CNTNAP1: variants seen among roughly 807,000 people sequenced by gnomAD.
The protein encoded by CNTNAP1 is contactin-associated protein 1.
A neutral mutation model predicts 161.5 loss-of-function variants in CNTNAP1; 80 were observed. That is an observed-to-expected ratio of 0.50 (90% CI 0.41 to 0.60). CNTNAP1 has a LOEUF of 0.60. Ranked by LOEUF, CNTNAP1 falls within the 20% of genes least tolerant of loss-of-function variation. The probability of loss-of-function intolerance (pLI) is 0.00; values close to 1 mark genes in which losing one functional copy is unlikely to be tolerated. For missense variants in CNTNAP1, 1,464 were observed against 1,854.8 expected, an observed-to-expected ratio of 0.79 and a Z score of 3.87; for synonymous variants, 695 against 733.1, an observed-to-expected ratio of 0.95 and a Z score of 0.84.
intron 18 of CNTNAP1, among the ~76,000 whole-genome samples, chr17:42,694,678 T>C (rs949147091): frequency 6.6e-6 from 1 of 151,270 alleles, no homozygotes; most frequent in Non-Finnish European, 1.5e-5. Context: ...ACCATCACCA[T>C]GGTAACACAG....
At chr17:42,690,523 CAAAAA>C (rs374434783) in intron 12 of CNTNAP1, among the ~76,000 whole-genome samples, 4 of 106,796 alleles carry the variant, frequency 3.7e-5, no homozygotes, top group African/African-American at 1.1e-4. Flanking sequence ...GACTTCATCT[CAAAAA>C]AAAAAAAAAA....
chr17:42,684,342 G>C, intron 3 of CNTNAP1, 113 bp downstream of exon 3: 4 of 978,418 alleles, frequency 4.1e-6, no homozygotes, highest in Non-Finnish European at 4.6e-6. Context: ...CTCGGACAAG[G>C]AGCAGTGACT....
rs1273964592 is a variant in CNTNAP1, at chr17:42,691,781, G to C, written c.2345-25G>C. On this transcript the variant is annotated intron_variant, in intron 15 of 23. Transcript: ENST00000264638. The surrounding 1 kb of genome is among the most constrained non-coding windows in gnomAD (Gnocchi z 4.3). ...CTCCACCCTCCAATCTCCCTGACAA[G>C]ACCTTCCTCCATCTGCTTTTCTAGG... The C allele has an allele frequency of 6.2e-7, 1 of 1,611,136 alleles. No homozygotes were observed.
At chr17:42,694,504 C>A (rs1009953242) in intron 18 of CNTNAP1, among the ~76,000 whole-genome samples, 30 of 151,998 alleles carry the variant, frequency 2.0e-4, no homozygotes, top group Non-Finnish European at 5.9e-5. Flanking sequence ...TGGTGGTGCA[C>A]ACTTAGGCCT....
At chr17:42,693,027 GC>G (rs1308863090) in intron 17 of CNTNAP1, among the ~76,000 whole-genome samples, 1 of 151,398 alleles carries the variant, frequency 6.6e-6, no homozygotes, top group Non-Finnish European at 1.5e-5. Context: ...CACGATCTCG[GC>G]CCACTGCAAG....
intron 6 of CNTNAP1, 98 bp from the exon 7 acceptor site, chr17:42,686,805 A>G (rs930135798): frequency 2.9e-6 from 4 of 1,386,964 alleles, no homozygotes; most frequent in Non-Finnish European, 3.9e-6. Flanking sequence ...CTTTTACAAA[A>G]CCCCATCTGG....
At chr17:42,693,259 C>T (rs1266887692) in intron 17 of CNTNAP1, 38 bp from the exon 18 acceptor site, 4 of 1,610,014 alleles carry the variant, frequency 2.5e-6, no homozygotes, top group Non-Finnish European at 3.4e-6. Flanking sequence ...GCGCCTGGCC[C>T]TGCCTCCATT....
rs1162499489 is a variant in CNTNAP1, at chr17:42,692,491, C to T, written c.2531-8C>T. 3.1e-6 allele frequency: 5 copies of T among 1,611,690 alleles called. No individual in the cohort carries two copies. The highest frequency in any genetic ancestry group is 3.4e-6 in the Non-Finnish European group (4 of 1,178,124). ...CTTTTCTCCCCTACCCTGCATCACACTGTCCAGCATCCCGGGATGTGGTCT... is the reference window on the plus strand; with the variant it reads ...CTTTTCTCCCCTACCCTGCATCACATTGTCCAGCATCCCGGGATGTGGTCT... On this transcript the variant is annotated splice_region_variant and splice_polypyrimidine_tract_variant and intron_variant, in intron 16 of 23. Transcript: ENST00000264638.
chr17:42,693,590 A>G, intron 18 of CNTNAP1, 54 bp downstream of exon 18: 2 of 1,585,550 alleles, frequency 1.3e-6, no homozygotes, highest in South Asian at 2.2e-5. Context: ...AATGGGATGT[A>G]GGGAGGGCAG....
rs753529173 is a variant in CNTNAP1 at position 42,691,361 on chromosome 17, G to A, written c.2217-23G>A. The A allele has an allele frequency of 2.5e-6, 4 of 1,614,062 alleles. No homozygotes were observed. Among genetic ancestry groups the A allele is most frequent in the Non-Finnish European group, 3.4e-6 (4 of 1,179,970 alleles). ...GGAGGAGCTGAGTGGCTGGGGCTGA[G>A]CCATGACATCCTGCCCCCACAGGAG... On this transcript the variant is annotated intron_variant, in intron 14 of 23. Coordinates refer to ENST00000264638, the MANE Select transcript of CNTNAP1 (RefSeq NM_003632.3). This position sits in a 1 kb window ranked among gnomAD's most constrained non-coding sequence, Gnocchi z 4.3.
rs757375034 is a variant in CNTNAP1, at chr17:42,691,976, C to T, written c.2515C>T (p.Arg839Trp). 3.1e-6 allele frequency: 5 copies of T among 1,613,938 alleles called. No homozygotes were observed. The highest frequency in any genetic ancestry group is 3.3e-5 in the Admixed American group (2 of 60,014). Residue 839 changes from arginine to tryptophan, a missense_variant, in exon 16 of 24, where the codon CGG (arginine) becomes TGG (tryptophan). Physicochemically the swap from Arg to Trp is moderately radical, Grantham distance 101. Transcript: ENST00000264638. The surrounding 1 kb of genome is among the most constrained non-coding windows in gnomAD (Gnocchi z 4.3). The stretch of plus-strand genomic sequence containing the variant: ...CTGCCAGTGGCGCCGACCTTATGTG[C>T]GGGTGGAACTCAACAGTGAGCAGGC... ...PYCQWRRPYV[R>W]VELNTSRDVV...
In CNTNAP1 at chr17:42,691,591, G is replaced by T. The variant is rs1597808508; in HGVS notation, c.2344+80G>T. ...AAATCTAGGCCGCATGTCACTGGTG[G>T]TCTCTAGCTGGGGTGCCCGACCCCC... On this transcript the variant is annotated intron_variant, in intron 15 of 23. Transcript: ENST00000264638. This position sits in a 1 kb window ranked among gnomAD's most constrained non-coding sequence, Gnocchi z 4.3. The T allele has an allele frequency of 6.3e-7, 1 of 1,581,818 alleles. No individual in the cohort carries two copies. The highest frequency in any genetic ancestry group is 8.6e-7 in the Non-Finnish European group (1 of 1,163,954).
At chr17:42,684,902 G>T in intron 3 of CNTNAP1, 89 bp from the exon 4 acceptor site, 1 of 1,466,056 alleles carries the variant, frequency 6.8e-7, no homozygotes, top group Non-Finnish European at 9.1e-7. Context: ...TCCAGCCTGG[G>T]CGACAGAGCG....
chr17:42,690,782 A>G lies in CNTNAP1; in HGVS notation c.1899A>G (p.Thr633=), dbSNP rs2053075374. 6.2e-7 allele frequency: 1 copy of G among 1,614,058 alleles called. No homozygotes were observed. Among genetic ancestry groups the G allele is most frequent in the South Asian group, 1.1e-5 (1 of 91,094 alleles). Residue 633 remains threonine (T), a synonymous_variant, in exon 13 of 24, where the codon ACA becomes ACG. Transcript: ENST00000264638. ...TTGTGCGGCATGACAGGCTGTGGACAACTCGAGTGACAGGTTCCAGCATGG... is the reference window on the plus strand; with the variant it reads ...TTGTGCGGCATGACAGGCTGTGGACGACTCGAGTGACAGGTTCCAGCATGG... ...WTVVRHDRLW[T]TRVTGSSMER... is the part of the protein sequence containing the mutation.
Position 42,686,945 on chromosome 17 carries a change from G to A in CNTNAP1, c.943G>A (p.Ala315Thr). 6.2e-7 allele frequency: 1 copy of A among 1,613,682 alleles called. No homozygotes were observed. The highest frequency in any genetic ancestry group is 1.1e-5 in the South Asian group (1 of 91,072). Residue 315 changes from alanine (A) to threonine (T), a missense_variant, in exon 7 of 24, where the codon GCC becomes ACC. Coordinates refer to ENST00000264638, the MANE Select transcript of CNTNAP1 (RefSeq NM_003632.3). Reference sequence around the variant, plus strand: ...GGTGGGCGCCGCGCGGAAGAACCTGGCCTATCGGCATAACTTCCGCGGCTG... The same window carrying A: ...GGTGGGCGCCGCGCGGAAGAACCTGACCTATCGGCATAACTTCCGCGGCTG... Reference protein sequence around the residue: ...GLVGAARKNLAYRHNFRGCIE... With the variant: ...GLVGAARKNLTYRHNFRGCIE...
rs750610399 is a variant in CNTNAP1, at chr17:42,692,618, G to T, written c.2650G>T (p.Val884Leu). Reference sequence around the variant, plus strand: ...GCACCTGGTCCGGGCTGAAATCAACGTGAAGCAGGCCCGGCTCCGAGTGGA... The same window carrying T: ...GCACCTGGTCCGGGCTGAAATCAACTTGAAGCAGGCCCGGCTCCGAGTGGA... ...EWHLVRAEIN[V>L]KQARLRVDHR... is the part of the protein sequence containing the mutation. The change falls in exon 17 of 24, where the codon GTG becomes TTG. Residue 884 changes from valine (V) to leucine (L), a missense_variant. Transcript: ENST00000264638. 1 of 1,614,230 alleles carries T rather than the reference G, an allele frequency of 6.2e-7. No individual in the cohort carries two copies. The highest frequency in any genetic ancestry group is 1.1e-5 in the South Asian group (1 of 91,088).
chr17:42,697,126 G>A, intron 20 of CNTNAP1, 148 bp from the exon 21 acceptor site: 2 of 651,920 alleles, frequency 3.1e-6, no homozygotes, highest in Non-Finnish European at 5.4e-6. Flanking sequence ...TCACCCAGCT[G>A]GCACCGCCAG....
chr17:42,690,552 A>C (rs1285138749), intron 12 of CNTNAP1, among the ~76,000 whole-genome samples, 187 bp from the exon 13 acceptor site: 2 of 148,222 alleles, frequency 1.3e-5, no homozygotes, highest in African/African-American at 2.5e-5. Context: ...AGTATATCCC[A>C]GCTTCCTTAC....
intron 21 of CNTNAP1, 30 bp downstream of exon 21, chr17:42,697,397 C>T (rs201486164): frequency 1.2e-6 from 2 of 1,610,792 alleles, no homozygotes; most frequent in Admixed American, 1.7e-5. Flanking sequence ...GCGTTTTAGG[C>T]AAGGAGCTGT....
Sources: allele counts gnomAD v4.1 joint callset (sites outside exome capture counted in the v4.1 genomes callset), GRCh38; gene constraint gnomAD v4.1.1; non-coding constraint Gnocchi (gnomAD v3.1); transcripts MANE v1.5; gene names NCBI Gene and HGNC (gene_info 2026-07-23, HGNC 2026-07-21).